Variants in DDX60L observed in about 807,000 individuals in gnomAD.
DDX60L encodes DExD/H-box 60 like, also known as probable ATP-dependent RNA helicase DDX60-like.
A neutral mutation model predicts 211.6 loss-of-function variants in DDX60L; 191 were observed. That is an observed-to-expected ratio of 0.90 (90% CI 0.80 to 1.02). The LOEUF (loss-of-function observed/expected upper bound fraction) is 1.02, where lower values mean the gene tolerates loss of function less well. DDX60L is among the 50% of genes least tolerant of loss of function. DDX60L has a pLI of 0.00. For missense variants in DDX60L, 2,007 were observed against 1,984.1 expected (o/e 1.01, Z -0.22); for synonymous variants, 706 against 694.1 (o/e 1.02, Z -0.27).
chr4:168,414,506 A>G (rs11947311), intron 22 of DDX60L, among the ~76,000 whole-genome samples: 84,366 of 151,874 alleles, frequency 0.56, 23,842 homozygotes, highest in Middle Eastern at 0.63. Context: ...CCACTGCTAC[A>G]TATATACTTA....
chr4:168,427,113 T>A lies in DDX60L; in HGVS notation c.1887A>T (p.Leu629Phe). ...SVKFGVEMLG[L>F]IACFKAWKKH... Reference sequence around the variant, plus strand: ...TTTTCCATGCTTTAAAGCAGGCAATTAATCCTAACATTTCAACTCCAAATT... The same window carrying A: ...TTTTCCATGCTTTAAAGCAGGCAATAAATCCTAACATTTCAACTCCAAATT... Residue 629 changes from leucine to phenylalanine, a missense_variant, in exon 14 of 38, where the codon TTA (leucine) becomes TTT (phenylalanine). Transcript: ENST00000682922. 1 of 1,607,122 alleles carries A rather than the reference T, an allele frequency of 6.2e-7. No homozygotes were observed. The highest frequency in any genetic ancestry group is 2.2e-5 in the East Asian group (1 of 44,786).
chr4:168,421,561 G>A (rs1486542653), intron 17 of DDX60L, among the ~76,000 whole-genome samples, 199 bp downstream of exon 17: 2 of 152,066 alleles, frequency 1.3e-5, no homozygotes, highest in South Asian at 2.1e-4. Context: ...AGGCTGAGGC[G>A]GGAGAATCAC....
At chr4:168,358,524 C>CTTTTTTTTTTTTTTTTTTTTTTTTT (rs70961514) in intron 37 of DDX60L, among the ~76,000 whole-genome samples, 3 of 108,304 alleles carry the variant, frequency 2.8e-5, no homozygotes, top group Non-Finnish European at 3.8e-5. Flanking sequence ...TTTTCTTTTT[C>CTTTTTTTTTTTTTTTTTTTTTTTTT]TTTTTTTTTT....
At chr4:168,380,081 T>A in intron 30 of DDX60L, 1 of 334,868 alleles carries the variant, frequency 3.0e-6, no homozygotes, top group Non-Finnish European at 5.4e-6. Flanking sequence ...GCTAAATCCC[T>A]GAAACAGTGG....
At position 168,394,606 on chromosome 4, in the gene DDX60L, C is replaced by T; in HGVS notation, c.3669G>A (p.Arg1223=). 1 of 1,599,300 alleles carries T rather than the reference C, an allele frequency of 6.3e-7. No individual in the cohort carries two copies. The change falls in exon 28 of 38, where the codon AGG becomes AGA. Residue 1223 remains arginine (R), a synonymous_variant. Transcript: ENST00000682922. ...ITRNKDSTLE[R]VLPRVRFTRH... ...TTGTAAATCGCACTCGCGGTAATAC[C>T]CTCTCCAAAGTCTAAAACAAGAAAG...
In DDX60L at chr4:168,406,667, G is replaced by A; in HGVS notation, c.3019C>T (p.Pro1007Ser). 6.2e-7 allele frequency: 1 copy of A among 1,607,370 alleles called. No individual in the cohort carries two copies. Among genetic ancestry groups the A allele is most frequent in the Non-Finnish European group, 8.5e-7 (1 of 1,177,038 alleles). The change falls in exon 23 of 38, where the codon CCT becomes TCT. Residue 1007 changes from proline (P) to serine (S), a missense_variant. Transcript: ENST00000682922. ...YGFPPDLTLT[P>S]QESIQLYDTM... ...TCATAAAGCTGGATGCTTTCTTGAG[G>A]GGTGAGGGTAAGATCAGGTGGGAAT...
chr4:168,431,364 C>A (rs1280477278), intron 12 of DDX60L, among the ~76,000 whole-genome samples: 4 of 152,054 alleles, frequency 2.6e-5, no homozygotes. Context: ...TGTATGTGAT[C>A]ACAAATCAAA....
At position 168,421,969 on chromosome 4, in the gene DDX60L, G is replaced by A. The variant is rs1454190630; in HGVS notation, c.2245-60C>T. 13 of 1,605,282 alleles carry A rather than the reference G, an allele frequency of 8.1e-6. No homozygotes were observed. The East Asian group carries it at 2.7e-4, about 33-fold the overall frequency. ...GTGAACAGCATGTTACCAAAACACAGACAGTATCCTTTGTACCTTCTGTCT... is the reference window on the plus strand; with the variant it reads ...GTGAACAGCATGTTACCAAAACACAAACAGTATCCTTTGTACCTTCTGTCT... On this transcript the variant is annotated intron_variant, in intron 16 of 37. Transcript: ENST00000682922.
At chr4:168,434,220 C>A (rs1461235371) in intron 10 of DDX60L, among the ~76,000 whole-genome samples, 2 of 151,984 alleles carry the variant, frequency 1.3e-5, no homozygotes, top group African/African-American at 4.8e-5. Flanking sequence ...TTGTGTCTTT[C>A]ATTAAATCAG....
intron 36 of DDX60L, 89 bp from the exon 37 acceptor site, chr4:168,361,300 C>T: frequency 3.7e-6 from 3 of 820,620 alleles, no homozygotes; most frequent in Admixed American, 2.5e-5. Flanking sequence ...CTGTCCATGG[C>T]AGTTAATTTA....
chr4:168,378,452 C>T lies in DDX60L; in HGVS notation c.4387G>A (p.Val1463Met), dbSNP rs201521971. 2.8e-4 allele frequency: 440 copies of T among 1,575,272 alleles called. No homozygotes were observed. Among genetic ancestry groups the T allele is most frequent in the Non-Finnish European group, 3.6e-4 (422 of 1,158,550 alleles). ...AATACTAACACGAGCTTTTCCATCA[C>T]ATCTTGGGAAAATTGTTGTGAGCCT... is the stretch of plus-strand genomic sequence containing the variant. ...WKGSQQFSQDVMEKLVLVLAN... is the reference protein window; with the variant it reads ...WKGSQQFSQDMMEKLVLVLAN... Residue 1463 changes from valine (V) to methionine (M), a missense_variant, in exon 33 of 38, where the codon GTG becomes ATG. Physicochemically the swap from Val to Met is conservative, Grantham distance 21. Coordinates refer to ENST00000682922, the MANE Select transcript of DDX60L (RefSeq NM_001012967.3).
chr4:168,375,653 C>T, intron 33 of DDX60L, 129 bp from the exon 34 acceptor site: 1 of 813,034 alleles, frequency 1.2e-6, no homozygotes, highest in Non-Finnish European at 1.8e-6. Context: ...TTACTTTACT[C>T]ACCTGTGAGA....
intron 27 of DDX60L, among the ~76,000 whole-genome samples, chr4:168,395,244 T>C (rs1009787876): frequency 9.9e-5 from 15 of 152,220 alleles, no homozygotes; most frequent in African/African-American, 3.4e-4. Flanking sequence ...AAATATATAC[T>C]ATGAAGCTAT....
chr4:168,470,711 G>A (rs28582178), intron 4 of DDX60L: 2,698 of 159,312 alleles, frequency 0.017, 78 homozygotes, highest in African/African-American at 0.059. Flanking sequence ...ATGGTGGCAC[G>A]CGCCTGTAAT....
intron 35 of DDX60L, 99 bp from the exon 36 acceptor site, chr4:168,371,862 G>A (rs1006377121): frequency 4.2e-6 from 5 of 1,199,398 alleles, no homozygotes; most frequent in Middle Eastern, 2.3e-4. Context: ...CTTAAAGTAC[G>A]TTCTGAAGAA....
At chr4:168,442,180 G>C (rs554952559) in intron 9 of DDX60L, among the ~76,000 whole-genome samples, 2 of 152,270 alleles carry the variant, frequency 1.3e-5, no homozygotes, top group African/African-American at 4.8e-5. Flanking sequence ...GCGAGGCATT[G>C]CCTCACTTGG....
intron 4 of DDX60L, among the ~76,000 whole-genome samples, chr4:168,467,264 C>A (rs115754997): frequency 6.6e-6 from 1 of 151,808 alleles, no homozygotes; most frequent in African/African-American, 2.4e-5. Flanking sequence ...CAAAAATTAG[C>A]CAACCATGCT....
Position 168,404,088 on chromosome 4 carries a change from T to C in DDX60L, c.3232A>G (p.Asn1078Asp). Residue 1078 changes from asparagine to aspartate, a missense_variant, in exon 25 of 38, where the codon AAC (asparagine) becomes GAC (aspartate). By Grantham distance (23) the Asn-to-Asp change is conservative. Transcript: ENST00000682922. ...QVKKVKRVLK[N>D]LSPDSLSSSK... is the part of the protein sequence containing the mutation. ...CTAGACAATGAATCCGGACTAAGGT[T>C]CTTCAGTACTCTTTTGACCTACAAC... 7.2e-7 allele frequency: 1 copy of C among 1,398,362 alleles called. No homozygotes were observed. The highest frequency in any genetic ancestry group is 9.4e-7 in the Non-Finnish European group (1 of 1,063,870). The allele number at this position is 1,398,362 out of a possible 1,614,324, so 86.6% of individuals were successfully genotyped here.
Position 168,358,358 on chromosome 4 carries a change from T to A in DDX60L, c.4992-82A>T. On this transcript the variant is annotated intron_variant, in intron 37 of 37. Coordinates refer to ENST00000682922, the MANE Select transcript of DDX60L (RefSeq NM_001012967.3). ...AATATTATTAAAAGGTTAGCAGAAG[T>A]AATTCCCCCCAAAATCTATCAGATG... The A allele has an allele frequency of 2.9e-6, 3 of 1,030,634 alleles. 1 individual carries two copies. The highest frequency in any genetic ancestry group is 6.6e-5 in the Admixed American group (2 of 30,118). The allele number at this position is 1,030,634 out of a possible 1,614,324, so 63.8% of individuals were successfully genotyped here. A position where few individuals can be genotyped will look rare whatever the true frequency, so the allele number is the denominator to read the frequency against.
Sources: allele counts gnomAD v4.1 joint callset (sites outside exome capture counted in the v4.1 genomes callset), GRCh38; gene constraint gnomAD v4.1.1; transcripts MANE v1.5; gene names NCBI Gene and HGNC (gene_info 2026-07-23, HGNC 2026-07-21).